The following MYPN variants were observed in gnomAD, a reference collection of about 807,000 sequenced individuals.
MYPN encodes sarcomeric protein myopalladin, 145 kDa (MYOP).
A neutral mutation model predicts 129.4 loss-of-function variants in MYPN; 63 were observed. The observed-to-expected ratio is 0.49, with a 90% CI of 0.40 to 0.60. MYPN has a LOEUF of 0.60. MYPN is among the 20% of genes least tolerant of loss of function. The probability of loss-of-function intolerance (pLI) is 0.00; values close to 1 mark genes in which losing one functional copy is unlikely to be tolerated. For missense variants in MYPN, 1,596 were observed against 1,635.4 expected (o/e 0.98, Z 0.42); for synonymous variants, 629 against 600.9 (o/e 1.05, Z -0.68).
At chr10:68,106,852 A>G (rs1452151435), upstream of MYPN, 3 of 714,502 alleles carry the variant, frequency 4.2e-6, no homozygotes, top group Non-Finnish European at 7.8e-6. Context: ...AAACAGCTGA[A>G]GGCAAGCACA....
At chr10:68,170,781 C>A (rs1398785794) in intron 10 of MYPN, among the ~76,000 whole-genome samples, 1 of 152,156 alleles carries the variant, frequency 6.6e-6, no homozygotes, top group African/African-American at 2.4e-5. Flanking sequence ...TGCCCTCCAA[C>A]TCAATTGAAT....
intron 1 of MYPN, among the ~76,000 whole-genome samples, chr10:68,111,274 T>C (rs1294073747): frequency 6.6e-6 from 1 of 152,216 alleles, no homozygotes; most frequent in Non-Finnish European, 1.5e-5. Flanking sequence ...AATGTTGGTA[T>C]GTGAAAAAGT....
At chr10:68,158,175 C>T in intron 6 of MYPN, 1 of 300,198 alleles carries the variant, frequency 3.3e-6, no homozygotes, top group South Asian at 4.5e-5. Flanking sequence ...CCTTTTTCTC[C>T]CTCATTGTTT....
chr10:68,194,606 G>A, intron 14 of MYPN, 94 bp downstream of exon 14: 1 of 1,365,864 alleles, frequency 7.3e-7, no homozygotes, highest in Non-Finnish European at 1.0e-6. Context: ...AGTTACTAAG[G>A]ATTGCTGAGG....
chr10:68,097,361 A>C (rs1434099310), intron 1 of MYPN, among the ~76,000 whole-genome samples: 2 of 152,168 alleles, frequency 1.3e-5, no homozygotes, highest in East Asian at 3.8e-4. Context: ...TGTCTGACTC[A>C]TCAGTCTAGG....
At chr10:68,144,108 C>G (rs1466999555) in intron 3 of MYPN, among the ~76,000 whole-genome samples, 1 of 152,008 alleles carries the variant, frequency 6.6e-6, no homozygotes, top group African/African-American at 2.4e-5. Context: ...TGCAGGGAGT[C>G]AAGGATAGAT....
At chr10:68,155,144 G>GC (rs1488167521) in intron 6 of MYPN, among the ~76,000 whole-genome samples, 18 of 152,178 alleles carry the variant, frequency 1.2e-4, no homozygotes, top group Admixed American at 9.8e-4. Flanking sequence ...TCATACCATT[G>GC]CACTCCAGCC....
intron 12 of MYPN, among the ~76,000 whole-genome samples, chr10:68,183,877 C>T (rs58180147): frequency 0.058 from 8,877 of 152,102 alleles, 287 homozygotes; most frequent in African/African-American, 0.072. Flanking sequence ...TAAAAATTAG[C>T]TGGGCATGAT....
intron 2 of MYPN, among the ~76,000 whole-genome samples, chr10:68,127,319 CTT>C (rs71470508): frequency 6.9e-5 from 5 of 72,538 alleles, no homozygotes; most frequent in Non-Finnish European, 9.6e-5. Context: ...ACACATATAT[CTT>C]TTTTTTTTTT....
At chr10:68,112,233 G>T (rs1451479831) in intron 1 of MYPN, among the ~76,000 whole-genome samples, 4 of 151,900 alleles carry the variant, frequency 2.6e-5, no homozygotes, top group Non-Finnish European at 5.9e-5. Context: ...GACTTTCTAT[G>T]GGCCATAGGA....
chr10:68,109,318 A>T (rs2133958715), upstream of MYPN: 1 of 289,152 alleles, frequency 3.5e-6, no homozygotes, highest in Admixed American at 4.0e-5. Context: ...AATAAATAAC[A>T]TGGGCCTCTA....
At chr10:68,182,129 T>G (rs1318034206) in intron 12 of MYPN, among the ~76,000 whole-genome samples, 3 of 151,280 alleles carry the variant, frequency 2.0e-5, no homozygotes, top group African/African-American at 7.3e-5. Context: ...TTCTGATATC[T>G]AGCCCATCTT....
At position 68,158,514 on chromosome 10, in the gene MYPN, G is replaced by T. The variant is rs376158785; in HGVS notation, c.1346G>T (p.Gly449Val). The T allele has an allele frequency of 1.9e-6, 3 of 1,613,870 alleles. No individual in the cohort carries two copies. In the African/African-American group the frequency reaches 4.0e-5, roughly 22 times the overall value. ...CTACAAAATTTGTCAGCTTCTGAGGGTCAGCTGGTTGTCTTTGAATGCAGA... is the reference window on the plus strand; with the variant it reads ...CTACAAAATTTGTCAGCTTCTGAGGTTCAGCTGGTTGTCTTTGAATGCAGA... ...KMLQNLSASE[G>V]QLVVFECRVK... Residue 449 changes from glycine to valine, a missense_variant, in exon 7 of 20, where the codon GGT becomes GTT. Gly to Val is a moderately radical substitution (Grantham distance 109, BLOSUM62 -3). Transcript: ENST00000358913.
intron 6 of MYPN, among the ~76,000 whole-genome samples, chr10:68,150,735 A>G (rs2042755518): frequency 6.6e-6 from 1 of 152,204 alleles, no homozygotes. Flanking sequence ...ACTACAAACA[A>G]GTTGTCCCAA....
At chr10:68,097,970 G>T (rs2041964479) in intron 1 of MYPN, among the ~76,000 whole-genome samples, 1 of 152,190 alleles carries the variant, frequency 6.6e-6, no homozygotes, top group Admixed American at 6.5e-5. Flanking sequence ...TTTAGGCCGG[G>T]CATGGTGGCT....
intron 2 of MYPN, among the ~76,000 whole-genome samples, chr10:68,123,469 G>A (rs1247736011): frequency 6.7e-6 from 1 of 150,348 alleles, no homozygotes; most frequent in Non-Finnish European, 1.5e-5. Flanking sequence ...GAGGTCAGGA[G>A]ATCGAGACCA....
intron 6 of MYPN, among the ~76,000 whole-genome samples, chr10:68,153,611 C>G (rs2042815681): frequency 6.6e-6 from 1 of 152,068 alleles, no homozygotes; most frequent in African/African-American, 2.4e-5. Context: ...GCATTGGGCA[C>G]TAGGATAGGC....
At chr10:68,148,513 C>G (rs757452511) in intron 5 of MYPN, 46 bp downstream of exon 5, 14 of 1,478,440 alleles carry the variant, frequency 9.5e-6, no homozygotes, top group South Asian at 2.3e-5. Flanking sequence ...CTGTGACAGA[C>G]AGTCATGGTG....
At chr10:68,109,969 C>T (rs1364400737) in intron 1 of MYPN, among the ~76,000 whole-genome samples, 1 of 152,156 alleles carries the variant, frequency 6.6e-6, no homozygotes, top group African/African-American at 2.4e-5. Context: ...AATATCTCAA[C>T]AGAAGAAGTT....
Sources: gnomAD v4.1 joint callset for allele counts (sites outside exome capture counted in the v4.1 genomes callset) on GRCh38, gnomAD v4.1.1 for gene constraint, MANE v1.5 for transcripts, NCBI Gene and HGNC (gene_info 2026-07-23, HGNC 2026-07-21) for gene names.